The following SEMA6D variants were observed in gnomAD, a reference collection of about 807,000 sequenced individuals.
SEMA6D encodes semaphorin-6D.
In SEMA6D, 35 loss-of-function variants were observed where a neutral mutation model predicts 106.6. The observed-to-expected ratio is 0.33, with a 90% confidence interval of 0.25 to 0.44. SEMA6D has a LOEUF of 0.44. Ranked by LOEUF, SEMA6D falls within the 20% of genes least tolerant of loss-of-function variation. The pLI is 1.00. For synonymous variants in SEMA6D, 499 were observed against 487.7 expected, an observed-to-expected ratio of 1.02 and a Z score of -0.31; for missense variants, 1,185 against 1,345.9, an observed-to-expected ratio of 0.88 and a Z score of 1.87.
intron 1 of SEMA6D, among the ~76,000 whole-genome samples, chr15:47,329,606 G>T (rs1320807937): frequency 6.6e-6 from 1 of 152,068 alleles, no homozygotes; most frequent in Admixed American, 6.6e-5. Context: ...AGATAATTTA[G>T]TTCTTGCGTT....
rs2082729837 is a variant in SEMA6D at position 47,773,754 on chromosome 15, A to G, written c.*1969A>G. Reference sequence around the variant, plus strand: ...AACACTTCAGCTTTGCAACTAAAATATTACAGATTAATAATAAATTAAACC... The same window carrying G: ...AACACTTCAGCTTTGCAACTAAAATGTTACAGATTAATAATAAATTAAACC... On this transcript the variant is annotated 3_prime_UTR_variant, in exon 19 of 19. Transcript: ENST00000536845. 6.6e-6 allele frequency: 1 copy of G among 152,640 alleles called. No homozygotes were observed. The allele number at this position is 152,640 out of a possible 1,614,324, so 9.5% of individuals were successfully genotyped here.
intron 1 of SEMA6D, among the ~76,000 whole-genome samples, chr15:47,328,454 T>C (rs1452011668): frequency 1.3e-5 from 2 of 152,196 alleles, no homozygotes; most frequent in Non-Finnish European, 2.9e-5. Context: ...AAGCTTTCTT[T>C]AGTACAGATC....
chr15:47,190,409 T>C (rs1192159253), intron 1 of SEMA6D, among the ~76,000 whole-genome samples: 2 of 152,242 alleles, frequency 1.3e-5, no homozygotes, highest in Non-Finnish European at 2.9e-5. Flanking sequence ...TAAGTGGAAA[T>C]CCTGTATTAT....
chr15:47,477,338 C>G (rs79640353), intron 3 of SEMA6D, among the ~76,000 whole-genome samples: 4,070 of 152,168 alleles, frequency 0.027, 187 homozygotes, highest in African/African-American at 0.093. Context: ...TGGTTGGGGC[C>G]ATTCATTTTA....
chr15:47,615,820 A>G (rs2076997111), intron 4 of SEMA6D, among the ~76,000 whole-genome samples: 1 of 152,258 alleles, frequency 6.6e-6, no homozygotes, highest in Non-Finnish European at 1.5e-5. Flanking sequence ...ATAAAGCAAA[A>G]ATATGAAAAC....
chr15:47,487,328 C>T (rs2043326023), intron 3 of SEMA6D, among the ~76,000 whole-genome samples: 1 of 152,100 alleles, frequency 6.6e-6, no homozygotes, highest in Non-Finnish European at 1.5e-5. Flanking sequence ...TATCGATGCC[C>T]CTCCCTCCAA....
intron 1 of SEMA6D, among the ~76,000 whole-genome samples, chr15:47,370,701 A>T (rs2039239462): frequency 6.6e-6 from 1 of 150,576 alleles, no homozygotes; most frequent in Non-Finnish European, 1.5e-5. Flanking sequence ...AAAAAAAAAA[A>T]AAAAAAAAAT....
At chr15:47,348,963 G>C (rs2144737701) in intron 1 of SEMA6D, among the ~76,000 whole-genome samples, 1 of 152,192 alleles carries the variant, frequency 6.6e-6, no homozygotes, top group East Asian at 1.9e-4. Flanking sequence ...CTTGTTCTTA[G>C]CCAAGCAGTT....
chr15:47,682,460 C>T (rs550221736), intron 4 of SEMA6D, among the ~76,000 whole-genome samples: 18 of 152,188 alleles, frequency 1.2e-4, no homozygotes, highest in African/African-American at 4.3e-4. Context: ...AGCCACCGCA[C>T]ACAGCCAACA....
intron 3 of SEMA6D, among the ~76,000 whole-genome samples, chr15:47,555,024 G>A (rs1339580017): frequency 6.6e-6 from 1 of 152,154 alleles, no homozygotes; most frequent in Non-Finnish European, 1.5e-5. Context: ...CAACAATTGA[G>A]CCTTCCAAGC....
At position 47,473,760 on chromosome 15, in the gene SEMA6D, A is replaced by G. The variant is rs146519348; in HGVS notation, c.-87+3215A>G. Among the ~76,000 whole-genome samples the G allele has an allele frequency of 5.6e-3, 850 of 152,074 alleles. 6 individuals carry two copies. The highest frequency in any genetic ancestry group is 0.015 in the Admixed American group (228 of 15,286). Reference sequence around the variant, plus strand: ...AAAAGGTTTGCTCTGATTATCAGCAAACTCTGAAAAACTGTGACTACACTG... The same window carrying G: ...AAAAGGTTTGCTCTGATTATCAGCAGACTCTGAAAAACTGTGACTACACTG... On this transcript the variant is annotated intron_variant, in intron 3 of 19. Transcript: ENST00000558014.
chr15:47,366,925 T>C (rs2039050130), intron 1 of SEMA6D, among the ~76,000 whole-genome samples: 1 of 152,170 alleles, frequency 6.6e-6, no homozygotes, highest in Non-Finnish European at 1.5e-5. Flanking sequence ...CCAGGTGGGC[T>C]CTAGTCAGAA....
intron 1 of SEMA6D, among the ~76,000 whole-genome samples, chr15:47,719,241 C>A (rs967234646): frequency 3.3e-5 from 5 of 152,080 alleles, no homozygotes; most frequent in Non-Finnish European, 7.4e-5. Flanking sequence ...TCTGGGGTGA[C>A]CATTCGGTAA....
intron 3 of SEMA6D, among the ~76,000 whole-genome samples, chr15:47,533,651 G>A (rs189917424): frequency 6.6e-6 from 1 of 152,288 alleles, no homozygotes; most frequent in Non-Finnish European, 1.5e-5. Context: ...ATGGCTATTA[G>A]TGTTGCCAAA....
intron 1 of SEMA6D, among the ~76,000 whole-genome samples, chr15:47,329,726 G>A (rs2144039277): frequency 6.6e-6 from 1 of 152,206 alleles, no homozygotes; most frequent in Non-Finnish European, 1.5e-5. Context: ...TAAAAATGTT[G>A]TTTCTTAGCC....
At chr15:47,412,224 A>G (rs2040823253) in intron 1 of SEMA6D, among the ~76,000 whole-genome samples, 2 of 152,154 alleles carry the variant, frequency 1.3e-5, no homozygotes, top group African/African-American at 4.8e-5. Context: ...AGAGGAAAAA[A>G]AAAGAAAATC....
At chr15:47,740,768 G>A (rs1256574959) in intron 1 of SEMA6D, among the ~76,000 whole-genome samples, 1 of 152,124 alleles carries the variant, frequency 6.6e-6, no homozygotes, top group East Asian at 1.9e-4. Context: ...CCCTGACCTT[G>A]GGGTAGGTCC....
intron 1 of SEMA6D, among the ~76,000 whole-genome samples, chr15:47,751,121 T>C (rs1352475257): frequency 6.6e-6 from 1 of 151,830 alleles, no homozygotes; most frequent in African/African-American, 2.4e-5. Context: ...TGCAATTCAG[T>C]GGAGATGACC....
At chr15:47,378,540 C>A (rs2039527295) in intron 1 of SEMA6D, among the ~76,000 whole-genome samples, 1 of 152,106 alleles carries the variant, frequency 6.6e-6, no homozygotes, top group South Asian at 2.1e-4. Flanking sequence ...CTCTGTGCCT[C>A]AAACTTGATG....
Sources: allele counts gnomAD v4.1 joint callset (sites outside exome capture counted in the v4.1 genomes callset), GRCh38; gene constraint gnomAD v4.1.1; transcripts MANE v1.5; gene names NCBI Gene and HGNC (gene_info 2026-07-23, HGNC 2026-07-21).